The following PAPSS1 variants were observed in gnomAD, a reference collection of about 807,000 sequenced individuals.
PAPSS1 encodes 3'-phosphoadenosine 5'-phosphosulfate synthase 1.
PAPSS1 carries 50 observed loss-of-function variants against 72.0 expected under a neutral mutation model. The ratio of observed to expected loss-of-function variants is 0.69; its 90% CI spans 0.55 to 0.88. The LOEUF is 0.88. Ranked by LOEUF, PAPSS1 falls within the 40% of genes least tolerant of loss-of-function variation. The pLI is 0.00. For synonymous variants in PAPSS1, 261 were observed against 263.6 expected (o/e 0.99, Z 0.09); for missense variants, 657 against 782.2 (o/e 0.84, Z 1.91).
At chr4:107,622,198 T>TA (rs1038626553) in intron 11 of PAPSS1, among the ~76,000 whole-genome samples, 6 of 151,872 alleles carry the variant, frequency 4.0e-5, no homozygotes, top group Non-Finnish European at 5.9e-5. Context: ...TTCCTGGCAT[T>TA]AAAAAAAATG....
chr4:107,695,907 G>A (rs960210480), intron 2 of PAPSS1, among the ~76,000 whole-genome samples: 2 of 152,072 alleles, frequency 1.3e-5, no homozygotes, highest in Non-Finnish European at 2.9e-5. Flanking sequence ...CAAAAAGTGG[G>A]CAAAGGATAT....
At chr4:107,690,679 C>T (rs761270022) in intron 3 of PAPSS1, among the ~76,000 whole-genome samples, 9 of 152,174 alleles carry the variant, frequency 5.9e-5, no homozygotes, top group Non-Finnish European at 1.2e-4. Flanking sequence ...CAGAAAAATA[C>T]ACATGTCCTG....
intron 6 of PAPSS1, among the ~76,000 whole-genome samples, chr4:107,659,505 T>C (rs1214775309): frequency 1.3e-5 from 2 of 152,184 alleles, no homozygotes; most frequent in Non-Finnish European, 2.9e-5. Flanking sequence ...GCAGTTGTAT[T>C]GGGAAAGACA....
At chr4:107,621,818 C>T (rs187922754) in intron 11 of PAPSS1, among the ~76,000 whole-genome samples, 60 of 151,064 alleles carry the variant, frequency 4.0e-4, no homozygotes, top group African/African-American at 9.2e-4. Flanking sequence ...TTAGTAGAGA[C>T]GGGGTTTCAC....
At chr4:107,680,062 T>A (rs1452090833) in intron 5 of PAPSS1, among the ~76,000 whole-genome samples, 1 of 151,738 alleles carries the variant, frequency 6.6e-6, no homozygotes, top group African/African-American at 2.4e-5. Context: ...AAACAGAGCA[T>A]CTAAAAACTG....
chr4:107,643,100 CTAATTACATAACAA>C (rs1341897459), intron 10 of PAPSS1, among the ~76,000 whole-genome samples: 3 of 152,128 alleles, frequency 2.0e-5, no homozygotes, highest in African/African-American at 7.2e-5. Context: ...CAATCTGCCA[CTAATTACATAACAA>C]TAAAGGTGAG....
chr4:107,636,519 G>C (rs770484740), intron 10 of PAPSS1, among the ~76,000 whole-genome samples: 1 of 152,146 alleles, frequency 6.6e-6, no homozygotes, highest in African/African-American at 2.4e-5. Flanking sequence ...ACTCAAGGAA[G>C]ACGAGGAATG....
Position 107,620,364 on chromosome 4 carries a change from GCTAT to G in PAPSS1, c.1737-5981_1737-5978del, listed in dbSNP as rs1725924092. Among the ~76,000 whole-genome samples, 4 of 152,224 alleles carry G rather than the reference GCTAT, an allele frequency of 2.6e-5. No homozygotes were observed. The South Asian group carries it at 8.3e-4, about 32-fold the overall frequency. ...CTTCAAAATCAGATAAACATTTATG[GCTAT>G]CTTTTTAGGAATTTAAGCACTGTTT... On this transcript the variant is annotated intron_variant, in intron 11 of 11. Coordinates refer to ENST00000265174, the MANE Select transcript of PAPSS1 (RefSeq NM_005443.5).
chr4:107,627,546 T>C (rs1310112680), intron 11 of PAPSS1, among the ~76,000 whole-genome samples: 1 of 152,156 alleles, frequency 6.6e-6, no homozygotes, highest in Admixed American at 6.5e-5. Context: ...TTAAAAGAAC[T>C]ACAAATTATA....
At chr4:107,693,231 C>G (rs1722983998) in intron 3 of PAPSS1, among the ~76,000 whole-genome samples, 1 of 152,082 alleles carries the variant, frequency 6.6e-6, no homozygotes, top group Admixed American at 6.6e-5. Flanking sequence ...AAAACAGGAA[C>G]AGGAGGGAGA....
At chr4:107,687,229 A>G (rs755695272) in intron 3 of PAPSS1, 52 bp from the exon 4 acceptor site, 7 of 1,362,446 alleles carry the variant, frequency 5.1e-6, no homozygotes, top group Non-Finnish European at 9.7e-7. Context: ...AACGTACTAT[A>G]TTAATATTAA....
intron 2 of PAPSS1, 47 bp downstream of exon 2, chr4:107,701,124 A>C: frequency 8.0e-7 from 1 of 1,254,366 alleles, no homozygotes; most frequent in Non-Finnish European, 1.2e-6. Context: ...AAGGTTACCT[A>C]TATGCACTGC....
intron 5 of PAPSS1, among the ~76,000 whole-genome samples, chr4:107,678,052 G>A (rs902320565): frequency 2.6e-5 from 4 of 152,054 alleles, no homozygotes; most frequent in African/African-American, 4.8e-5. Context: ...TTGGGGAGTG[G>A]GGAGGGATAG....
chr4:107,713,760 C>CAA (rs111667474), intron 1 of PAPSS1, among the ~76,000 whole-genome samples: 1 of 41,528 alleles, frequency 2.4e-5, no homozygotes, highest in African/African-American at 5.2e-5. Context: ...CTGTCTCAAA[C>CAA]AAAAAAAAAA....
intron 6 of PAPSS1, among the ~76,000 whole-genome samples, chr4:107,658,804 G>A (rs141354897): frequency 1.3e-5 from 2 of 152,022 alleles, no homozygotes; most frequent in Admixed American, 6.6e-5. Flanking sequence ...TTGAATGTCT[G>A]TGTCCTCTCA....
chr4:107,673,062 C>A lies in PAPSS1; in HGVS notation c.669+8953G>T, dbSNP rs561511242. On this transcript the variant is annotated intron_variant, in intron 5 of 11. Transcript: ENST00000265174. ...CATCCACACCAAAACCCCATCTGTACGTCACCATCATCAAAGACCAAAGGT... is the reference window on the plus strand; with the variant it reads ...CATCCACACCAAAACCCCATCTGTAAGTCACCATCATCAAAGACCAAAGGT... Among the ~76,000 whole-genome samples, 83 of 152,068 alleles carry A rather than the reference C, an allele frequency of 5.5e-4. 1 individual carries two copies. The South Asian group carries it at 0.017, about 30-fold the overall frequency.
At chr4:107,696,294 T>G (rs866161052) in intron 2 of PAPSS1, among the ~76,000 whole-genome samples, 2 of 152,160 alleles carry the variant, frequency 1.3e-5, no homozygotes, top group Admixed American at 1.3e-4. Context: ...TGCAGCACTA[T>G]TTACAATAGC....
intron 10 of PAPSS1, among the ~76,000 whole-genome samples, chr4:107,640,568 T>TA (rs1726511912): frequency 6.6e-6 from 1 of 151,970 alleles, no homozygotes; most frequent in African/African-American, 2.4e-5. Context: ...GGTTTTTTTT[T>TA]ATTACAAAAA....
intron 6 of PAPSS1, among the ~76,000 whole-genome samples, chr4:107,658,819 T>G (rs981919240): frequency 4.6e-5 from 7 of 152,136 alleles, no homozygotes; most frequent in African/African-American, 1.7e-4. Context: ...CTCTCAAAAT[T>G]CCTATACTGA....
Sources: allele counts gnomAD v4.1 joint callset (sites outside exome capture counted in the v4.1 genomes callset), GRCh38; gene constraint gnomAD v4.1.1; transcripts MANE v1.5; gene names NCBI Gene and HGNC (gene_info 2026-07-23, HGNC 2026-07-21).